Variants in BMPER observed in about 807,000 individuals in gnomAD.
The protein encoded by BMPER is BMP-binding endothelial regulator protein.
Under a neutral mutation model 87.3 loss-of-function variants are expected in BMPER, and 45 were observed. The ratio of observed to expected loss-of-function variants is 0.52; its 90% confidence interval spans 0.41 to 0.66. The LOEUF (loss-of-function observed/expected upper bound fraction) is 0.66, where lower values mean the gene tolerates loss of function less well. Ranked by LOEUF, BMPER falls within the 30% of genes least tolerant of loss-of-function variation. The probability of loss-of-function intolerance (pLI) is 0.00; values close to 1 mark genes in which losing one functional copy is unlikely to be tolerated. For synonymous variants in BMPER, 326 were observed against 316.2 expected (o/e 1.03, Z -0.33); for missense variants, 784 against 867.5 (o/e 0.90, Z 1.21).
At chr7:34,121,023 A>G (rs1445894937) in intron 13 of BMPER, among the ~76,000 whole-genome samples, 1 of 150,826 alleles carries the variant, frequency 6.6e-6, no homozygotes, top group Non-Finnish European at 1.5e-5. Context: ...TAATTATTTA[A>G]TATATTATTT....
chr7:34,090,761 C>T (rs1449295729), intron 13 of BMPER, among the ~76,000 whole-genome samples: 1 of 152,164 alleles, frequency 6.6e-6, no homozygotes, highest in Non-Finnish European at 1.5e-5. Flanking sequence ...GACTGCATTT[C>T]AGAGAAGTCA....
intron 2 of BMPER, among the ~76,000 whole-genome samples, chr7:33,922,240 G>T (rs982506863): frequency 6.6e-6 from 1 of 152,056 alleles, no homozygotes; most frequent in East Asian, 1.9e-4. Context: ...TTGTTCCAGG[G>T]ATTCATCTCC....
chr7:34,153,038 T>G, intron 14 of BMPER, 54 bp from the exon 15 acceptor site: 1 of 1,601,952 alleles, frequency 6.2e-7, no homozygotes, highest in Non-Finnish European at 8.6e-7. Context: ...TGGCTGAGGG[T>G]GAATTAATGG....
chr7:34,108,494 C>T (rs1387022219), intron 13 of BMPER, among the ~76,000 whole-genome samples: 1 of 152,228 alleles, frequency 6.6e-6, no homozygotes, highest in Non-Finnish European at 1.5e-5. Flanking sequence ...GTATTCTTCA[C>T]AATGCTGGAA....
At chr7:33,955,523 G>A (rs1426350899) in intron 3 of BMPER, among the ~76,000 whole-genome samples, 1 of 152,142 alleles carries the variant, frequency 6.6e-6, no homozygotes, top group Non-Finnish European at 1.5e-5. Context: ...CCCTAGGAAT[G>A]CCCTTAGTCC....
intron 13 of BMPER, among the ~76,000 whole-genome samples, chr7:34,128,515 T>G (rs1790461910): frequency 6.6e-6 from 1 of 152,158 alleles, no homozygotes; most frequent in Admixed American, 6.5e-5. Flanking sequence ...ATGTTTGCGC[T>G]TAGGTGGAAC....
intron 3 of BMPER, among the ~76,000 whole-genome samples, chr7:33,947,745 T>C (rs1412545988): frequency 6.6e-6 from 1 of 152,170 alleles, no homozygotes; most frequent in African/African-American, 2.4e-5. Context: ...CTATGAATAA[T>C]GGTAATAGAT....
intron 13 of BMPER, among the ~76,000 whole-genome samples, chr7:34,139,152 C>G (rs1463854713): frequency 6.6e-6 from 1 of 152,136 alleles, no homozygotes; most frequent in South Asian, 2.1e-4. Flanking sequence ...TTATTTTTCT[C>G]TTAATAAATT....
chr7:34,077,667 TATATC>T (rs1204965270), intron 11 of BMPER, among the ~76,000 whole-genome samples: 4 of 152,202 alleles, frequency 2.6e-5, no homozygotes, highest in Non-Finnish European at 5.9e-5. Flanking sequence ...AATGACATAA[TATATC>T]ATAACATAAA....
At chr7:33,996,316 CT>C (rs1228406737) in intron 6 of BMPER, among the ~76,000 whole-genome samples, 1 of 152,072 alleles carries the variant, frequency 6.6e-6, no homozygotes, top group East Asian at 1.9e-4. Context: ...TAGGTGACTC[CT>C]TTTCCTGCAT....
intron 11 of BMPER, among the ~76,000 whole-genome samples, chr7:34,063,387 G>A (rs925244660): frequency 1.8e-4 from 23 of 129,766 alleles, no homozygotes; most frequent in African/African-American, 2.7e-4. Flanking sequence ...ATATGTGTGT[G>A]TGTGTGTGTG....
intron 12 of BMPER, among the ~76,000 whole-genome samples, chr7:34,084,030 G>A (rs902745720): frequency 2.0e-5 from 3 of 149,160 alleles, no homozygotes; most frequent in South Asian, 4.2e-4. Context: ...AAGGCCGCAT[G>A]CAGTGGCTCA....
chr7:34,105,161 T>C (rs1349828742), intron 13 of BMPER, among the ~76,000 whole-genome samples: 1 of 152,192 alleles, frequency 6.6e-6, no homozygotes, highest in Non-Finnish European at 1.5e-5. Context: ...GGTAGAGTCA[T>C]GTTGCTGCTA....
intron 6 of BMPER, among the ~76,000 whole-genome samples, chr7:34,039,091 G>A (rs1007287018): frequency 6.6e-6 from 1 of 152,194 alleles, no homozygotes; most frequent in Admixed American, 6.5e-5. Context: ...ATTGAGGCCT[G>A]TTCTTCTCTC....
intron 13 of BMPER, among the ~76,000 whole-genome samples, chr7:34,122,106 G>A (rs1217773003): frequency 6.6e-6 from 1 of 150,480 alleles, no homozygotes; most frequent in Non-Finnish European, 1.5e-5. Flanking sequence ...TTGGGCAATT[G>A]TGGGGTGGGG....
chr7:34,137,205 T>A (rs1333040692), intron 13 of BMPER, among the ~76,000 whole-genome samples: 2 of 152,306 alleles, frequency 1.3e-5, no homozygotes, highest in African/African-American at 4.8e-5. Flanking sequence ...TTAAAAAAAA[T>A]TCCTCTGGAG....
intron 13 of BMPER, among the ~76,000 whole-genome samples, chr7:34,113,670 C>A (rs559486515): frequency 6.6e-6 from 1 of 151,900 alleles, no homozygotes; most frequent in Non-Finnish European, 1.5e-5. Context: ...CTTCATCATG[C>A]GCCAGGTAGC....
chr7:34,134,692 C>T (rs1790676574), intron 13 of BMPER, among the ~76,000 whole-genome samples: 1 of 152,116 alleles, frequency 6.6e-6, no homozygotes, highest in Non-Finnish European at 1.5e-5. Context: ...GTGCACATCC[C>T]TTCCCCGTTA....
intron 3 of BMPER, among the ~76,000 whole-genome samples, chr7:33,946,518 G>A (rs567848608): frequency 3.9e-5 from 6 of 152,330 alleles, no homozygotes; most frequent in East Asian, 1.9e-4. Flanking sequence ...GCATGACATA[G>A]GTCTTAGTCA....
Sources: gnomAD v4.1 joint callset for allele counts (sites outside exome capture counted in the v4.1 genomes callset) on GRCh38, gnomAD v4.1.1 for gene constraint, MANE v1.5 for transcripts, NCBI Gene and HGNC (gene_info 2026-07-23, HGNC 2026-07-21) for gene names.